The following BAZ1A variants were observed in gnomAD, a reference collection of about 807,000 sequenced individuals.
BAZ1A encodes bromodomain adjacent to zinc finger domain protein 1A.
A neutral mutation model predicts 185.2 loss-of-function variants in BAZ1A; 50 were observed. That is an observed-to-expected ratio of 0.27 (90% CI 0.22 to 0.34). The LOEUF (loss-of-function observed/expected upper bound fraction) is 0.34. Among genes scored for constraint, BAZ1A ranks in the 10% least tolerant of loss-of-function variants. The pLI is 1.00. For missense variants in BAZ1A, 1,356 were observed against 1,839.9 expected (o/e 0.74, Z 4.81); for synonymous variants, 571 against 615.6 (o/e 0.93, Z 1.07).
At chr14:34,867,724 C>G (rs964786177) in intron 2 of BAZ1A, among the ~76,000 whole-genome samples, 1 of 152,144 alleles carries the variant, frequency 6.6e-6, no homozygotes, top group African/African-American at 2.4e-5. Flanking sequence ...CCACAGTGGC[C>G]AATTTAAGGG....
At chr14:34,755,439 A>C (rs1886198912) in intron 25 of BAZ1A, among the ~76,000 whole-genome samples, 1 of 151,788 alleles carries the variant, frequency 6.6e-6, no homozygotes, top group Non-Finnish European at 1.5e-5. Flanking sequence ...TTCTAACCCA[A>C]CCTCATTCAA....
chr14:34,762,482 TTA>T (rs1366965028), intron 23 of BAZ1A, among the ~76,000 whole-genome samples: 2 of 144,120 alleles, frequency 1.4e-5, no homozygotes, highest in African/African-American at 5.3e-5. Context: ...TTTCTTTTCT[TTA>T]TTTTTTTTTT....
intron 12 of BAZ1A, among the ~76,000 whole-genome samples, chr14:34,789,421 A>G (rs1880700413): frequency 6.6e-6 from 1 of 152,252 alleles, no homozygotes; most frequent in African/African-American, 2.4e-5. Context: ...GAAACTGTAA[A>G]TATCATTCTA....
chr14:34,766,839 A>T (rs190551227), intron 21 of BAZ1A, among the ~76,000 whole-genome samples: 3 of 152,364 alleles, frequency 2.0e-5, no homozygotes, highest in East Asian at 3.9e-4. Context: ...CACATGTGGA[A>T]ACAAAACATT....
intron 23 of BAZ1A, among the ~76,000 whole-genome samples, chr14:34,762,877 T>C (rs1397877415): frequency 6.6e-6 from 1 of 152,234 alleles, no homozygotes; most frequent in African/African-American, 2.4e-5. Context: ...TAGTCAATCA[T>C]GTTGGAAAAC....
chr14:34,808,898 AC>A (rs2041889479), intron 5 of BAZ1A, among the ~76,000 whole-genome samples: 1 of 152,218 alleles, frequency 6.6e-6, no homozygotes, highest in South Asian at 2.1e-4. Flanking sequence ...AAGTGAATAA[AC>A]AATATATGAT....
chr14:34,870,816 C>T (rs2042938110), intron 2 of BAZ1A, among the ~76,000 whole-genome samples: 1 of 152,182 alleles, frequency 6.6e-6, no homozygotes, highest in African/African-American at 2.4e-5. Context: ...ATTTACTCCC[C>T]ACCCCAACTT....
intron 2 of BAZ1A, among the ~76,000 whole-genome samples, chr14:34,871,207 G>A (rs2042943712): frequency 6.6e-6 from 1 of 152,140 alleles, no homozygotes. Context: ...ATTGTTGTCG[G>A]CTAGCCAAAA....
chr14:34,807,898 G>A (rs181617451), intron 5 of BAZ1A, among the ~76,000 whole-genome samples: 4 of 152,078 alleles, frequency 2.6e-5, no homozygotes, highest in Non-Finnish European at 4.4e-5. Context: ...GAGGTCAGGA[G>A]ATCAAGACAA....
chr14:34,874,256 G>A lies in BAZ1A; in HGVS notation c.113+236C>T. On this transcript the variant is annotated intron_variant, in intron 2 of 26. Transcript: ENST00000360310. This position sits in a 1 kb window ranked among gnomAD's most constrained non-coding sequence, Gnocchi z 4.7. ...AGGAGCGGTCCCCGAGGCCGGCCAG[G>A]GACCCAGCCTCCTCCGCCACTACCA... is the stretch of plus-strand genomic sequence containing the variant. 1 of 429,426 alleles carries A rather than the reference G, an allele frequency of 2.3e-6. No individual in the cohort carries two copies. The highest frequency in any genetic ancestry group is 4.7e-5 in the Admixed American group (1 of 21,086). The allele number at this position is 429,426 out of a possible 1,614,324, so 26.6% of individuals were successfully genotyped here. A position where few individuals can be genotyped will look rare whatever the true frequency, so the allele number is the denominator to read the frequency against.
intron 3 of BAZ1A, among the ~76,000 whole-genome samples, chr14:34,848,982 C>T (rs891129077): frequency 3.9e-5 from 6 of 152,214 alleles, no homozygotes; most frequent in Admixed American, 3.3e-4. Flanking sequence ...ACAGTTTAAC[C>T]AGTTCATGTA....
chr14:34,827,846 CA>C (rs771213108), intron 3 of BAZ1A, among the ~76,000 whole-genome samples: 5 of 151,838 alleles, frequency 3.3e-5, no homozygotes, highest in Non-Finnish European at 7.4e-5. Context: ...ATTCTTCAGA[CA>C]AAAGTTATTC....
intron 2 of BAZ1A, among the ~76,000 whole-genome samples, chr14:34,872,925 A>AC (rs2042972599): frequency 1.1e-5 from 1 of 93,510 alleles, no homozygotes; most frequent in Admixed American, 9.3e-5. Flanking sequence ...AAAAAAAAAA[A>AC]AAAAAAAAAA....
intron 2 of BAZ1A, among the ~76,000 whole-genome samples, chr14:34,865,702 C>T (rs2138830238): frequency 6.6e-6 from 1 of 152,198 alleles, no homozygotes; most frequent in South Asian, 2.1e-4. Context: ...AAAGAAGATC[C>T]TTTTGAACTA....
chr14:34,782,257 C>T (rs1051161580), intron 16 of BAZ1A, among the ~76,000 whole-genome samples: 1 of 152,148 alleles, frequency 6.6e-6, no homozygotes, highest in African/African-American at 2.4e-5. Flanking sequence ...TTGATTATAG[C>T]CAGCCTACTG....
At chr14:34,859,863 G>C (rs1222751405) in intron 3 of BAZ1A, among the ~76,000 whole-genome samples, 2 of 152,100 alleles carry the variant, frequency 1.3e-5, no homozygotes, top group East Asian at 3.9e-4. Flanking sequence ...CCAGTCTTTG[G>C]AGGAGTTGAG....
chr14:34,762,299 G>A, intron 23 of BAZ1A, 76 bp from the exon 24 acceptor site: 1 of 1,372,604 alleles, frequency 7.3e-7, no homozygotes, highest in South Asian at 1.3e-5. Flanking sequence ...TCTCCTTGTT[G>A]TATTTAGCCA....
intron 3 of BAZ1A, among the ~76,000 whole-genome samples, chr14:34,840,694 T>G (rs1345569922): frequency 2.0e-5 from 3 of 151,728 alleles, no homozygotes; most frequent in Admixed American, 1.3e-4. Flanking sequence ...GAAGCAGAGG[T>G]TGTGGTGAGC....
At chr14:34,871,274 T>C (rs1263878835) in intron 2 of BAZ1A, among the ~76,000 whole-genome samples, 1 of 152,196 alleles carries the variant, frequency 6.6e-6, no homozygotes, top group Non-Finnish European at 1.5e-5. Context: ...ACCTGGCTGA[T>C]CTCAAACTCT....
Sources: allele counts gnomAD v4.1 joint callset (sites outside exome capture counted in the v4.1 genomes callset), GRCh38; gene constraint gnomAD v4.1.1; non-coding constraint Gnocchi (gnomAD v3.1); transcripts MANE v1.5; gene names NCBI Gene and HGNC (gene_info 2026-07-23, HGNC 2026-07-21).